The following KAT2B variants were observed in gnomAD, a reference collection of about 807,000 sequenced individuals.
KAT2B encodes the protein lysine acetyltransferase 2B, also known as histone acetyltransferase KAT2B.
Under a neutral mutation model 105.9 loss-of-function variants are expected in KAT2B, and 36 were observed. That is an observed-to-expected ratio of 0.34 (90% confidence interval 0.26 to 0.45). The LOEUF is 0.45. Ranked by LOEUF, KAT2B falls within the 20% of genes least tolerant of loss-of-function variation. The pLI, the probability that KAT2B is intolerant of heterozygous loss-of-function variation, is 1.00. For synonymous variants in KAT2B, 397 were observed against 377.9 expected, an observed-to-expected ratio of 1.05 and a Z score of -0.59; for missense variants, 820 against 1,021.6, an observed-to-expected ratio of 0.80 and a Z score of 2.69.
intron 2 of KAT2B, among the ~76,000 whole-genome samples, chr3:20,090,585 C>G (rs567041710): frequency 3.9e-5 from 6 of 152,254 alleles, no homozygotes; most frequent in Non-Finnish European, 8.8e-5. Context: ...CTGTTGAATT[C>G]AGATTGCTGG....
In KAT2B at chr3:20,095,294, A is replaced by G; in HGVS notation, c.462A>G (p.Ser154=). 3 of 1,612,088 alleles carry G rather than the reference A, an allele frequency of 1.9e-6. No homozygotes were observed. The highest frequency in any genetic ancestry group is 2.5e-6 in the Non-Finnish European group (3 of 1,178,246). The change falls in exon 3 of 18, where the codon TCA becomes TCG. Residue 154 remains serine (S), a synonymous_variant. Coordinates refer to ENST00000263754, the MANE Select transcript of KAT2B (RefSeq NM_003884.5). ...ATGTTTCCCACCTGGAGAATGTGTC[A>G]GAGGAAGAAATGAACAGACTCCTGG... The part of the protein sequence containing the change: ...AAHVSHLENV[S]EEEMNRLLGI...
chr3:20,059,504 T>C (rs1362611622), intron 1 of KAT2B, among the ~76,000 whole-genome samples: 1 of 143,408 alleles, frequency 7.0e-6, no homozygotes, highest in East Asian at 2.1e-4. Context: ...GATCACGAGG[T>C]CAGGAGATCG....
intron 2 of KAT2B, among the ~76,000 whole-genome samples, chr3:20,089,069 G>T (rs1270445743): frequency 6.6e-6 from 1 of 152,088 alleles, no homozygotes; most frequent in African/African-American, 2.4e-5. Context: ...TGTCTATTCT[G>T]TTCAGTTGGT....
chr3:20,046,402 T>C (rs768435794), intron 1 of KAT2B, among the ~76,000 whole-genome samples: 1 of 152,052 alleles, frequency 6.6e-6, no homozygotes, highest in Non-Finnish European at 1.5e-5. Flanking sequence ...GGCAACATGG[T>C]GAAACCCTGT....
At chr3:20,103,222 C>T (rs970087336) in intron 5 of KAT2B, among the ~76,000 whole-genome samples, 8 of 151,986 alleles carry the variant, frequency 5.3e-5, no homozygotes, top group East Asian at 3.9e-4. Flanking sequence ...AGAGTTGAGA[C>T]GATAAGTCTC....
intron 1 of KAT2B, among the ~76,000 whole-genome samples, chr3:20,069,468 G>A (rs1353080679): frequency 6.6e-6 from 1 of 151,702 alleles, no homozygotes; most frequent in African/African-American, 2.4e-5. Context: ...AAGAATTTAT[G>A]TCCTGCTTCT....
Position 20,136,537 on chromosome 3 carries a change from CT to C in KAT2B, c.1750-395del, listed in dbSNP as rs113597336. Among the ~76,000 whole-genome samples, 962 of 149,362 alleles carry C rather than the reference CT, an allele frequency of 6.4e-3. 15 individuals carry two copies. The highest frequency in any genetic ancestry group is 0.022 in the African/African-American group (894 of 40,870). The stretch of plus-strand genomic sequence containing the variant: ...GAAGATTAGCACTTTTCATTTGCAT[CT>C]TTTTTTTTTCTTCTGAGATTCTCAA... On this transcript the variant is annotated intron_variant, in intron 11 of 17. Coordinates refer to ENST00000263754, the MANE Select transcript of KAT2B (RefSeq NM_003884.5).
rs144610576 is a variant in KAT2B at position 20,131,384 on chromosome 3, C to T, written c.1749+3835C>T. Reference sequence around the variant, plus strand: ...AACAACTTTTGAGACATCACACTGCCCAAGATATTTACATTTTCACTGGCG... The same window carrying T: ...AACAACTTTTGAGACATCACACTGCTCAAGATATTTACATTTTCACTGGCG... On this transcript the variant is annotated intron_variant, in intron 11 of 17. Transcript: ENST00000263754. Among the ~76,000 whole-genome samples the T allele has an allele frequency of 6.6e-5, 10 of 151,938 alleles. No individual in the cohort carries two copies. The East Asian group carries it at 1.9e-3, about 30-fold the overall frequency.
At chr3:20,074,002 A>G (rs2125182369) in intron 2 of KAT2B, among the ~76,000 whole-genome samples, 1 of 152,370 alleles carries the variant, frequency 6.6e-6, no homozygotes, top group South Asian at 2.1e-4. Context: ...TGCTTCACAA[A>G]AAAAGCCAAC....
rs1279280208 is a variant in KAT2B at position 20,154,305 on chromosome 3, TTGCAAA to T, written c.*1784_*1789del. The T allele has an allele frequency of 6.6e-6, 1 of 152,656 alleles. No individual in the cohort carries two copies. The highest frequency in any genetic ancestry group is 1.5e-5 in the Non-Finnish European group (1 of 68,032). 9.5% of individuals were successfully genotyped at this position (152,656 alleles called of 1,614,324 possible). ...AAAGCTGAAGTAGAATGTGTGGTTT[TTGCAAA>T]TGCTTTAACAGCTGATAAAAATTTT... is the stretch of plus-strand genomic sequence containing the variant. On this transcript the variant is annotated 3_prime_UTR_variant, in exon 18 of 18. Coordinates refer to ENST00000263754, the MANE Select transcript of KAT2B (RefSeq NM_003884.5).
At position 20,058,299 on chromosome 3, in the gene KAT2B, A is replaced by C. The variant is rs540264044; in HGVS notation, c.304-14034A>C. Among the ~76,000 whole-genome samples, 10 of 152,078 alleles carry C rather than the reference A, an allele frequency of 6.6e-5. No individual in the cohort carries two copies. In the South Asian group the frequency reaches 2.1e-3, roughly 32 times the overall value. ...ATGGTGAAACCCCGTCTCTATTAAA[A>C]ATACAAAAATTAGCTGGGTGTGTTG... On this transcript the variant is annotated intron_variant, in intron 1 of 17. Transcript: ENST00000263754.
At chr3:20,143,541 C>A (rs776321993) in intron 13 of KAT2B, among the ~76,000 whole-genome samples, 1 of 152,024 alleles carries the variant, frequency 6.6e-6, no homozygotes, top group East Asian at 1.9e-4. Flanking sequence ...AGCATATACC[C>A]GAAGGAAAAT....
intron 9 of KAT2B, among the ~76,000 whole-genome samples, chr3:20,123,693 TC>T (rs1452619301): frequency 6.6e-6 from 1 of 152,238 alleles, no homozygotes; most frequent in Admixed American, 6.5e-5. Context: ...AATTCTTATC[TC>T]TTCATTTGTT....
chr3:20,144,540 C>T (rs575118037), intron 13 of KAT2B, among the ~76,000 whole-genome samples: 5 of 151,258 alleles, frequency 3.3e-5, no homozygotes, highest in East Asian at 1.9e-4. Flanking sequence ...CTGCCCACCT[C>T]GGCCTCCCAA....
At chr3:20,053,551 C>G (rs569084952) in intron 1 of KAT2B, among the ~76,000 whole-genome samples, 1 of 151,636 alleles carries the variant, frequency 6.6e-6, no homozygotes, top group Admixed American at 6.6e-5. Context: ...CAAGACAAAA[C>G]AAAAAAACTC....
intron 14 of KAT2B, among the ~76,000 whole-genome samples, chr3:20,146,973 T>TTTCA (rs1699792587): frequency 6.6e-6 from 1 of 152,212 alleles, no homozygotes; most frequent in Non-Finnish European, 1.5e-5. Flanking sequence ...ATATACCTTG[T>TTTCA]TTCATATTCC....
intron 2 of KAT2B, 21 bp downstream of exon 2, chr3:20,072,480 G>T: frequency 1.9e-6 from 3 of 1,611,024 alleles, no homozygotes; most frequent in Non-Finnish European, 1.7e-6. Flanking sequence ...AAATCTTCAA[G>T]GAAAGTATAA....
intron 5 of KAT2B, among the ~76,000 whole-genome samples, chr3:20,108,539 A>G (rs1699062655): frequency 1.3e-5 from 2 of 152,214 alleles, no homozygotes; most frequent in Non-Finnish European, 2.9e-5. Flanking sequence ...ATTTTGCTGT[A>G]CCTTTCCATG....
chr3:20,115,060 C>A, intron 7 of KAT2B, 72 bp downstream of exon 7: 1 of 875,764 alleles, frequency 1.1e-6, no homozygotes, highest in Non-Finnish European at 1.9e-6. Flanking sequence ...CAGTTCACTG[C>A]AACTTATACT....
Sources: gnomAD v4.1 joint callset for allele counts (sites outside exome capture counted in the v4.1 genomes callset) on GRCh38, gnomAD v4.1.1 for gene constraint, MANE v1.5 for transcripts, NCBI Gene and HGNC (gene_info 2026-07-23, HGNC 2026-07-21) for gene names.